The following DRGX variants were observed in gnomAD, a reference collection of about 807,000 sequenced individuals.
The protein encoded by DRGX is dorsal root ganglia homeobox.
Under a neutral mutation model 28.6 loss-of-function variants are expected in DRGX, and 21 were observed. The ratio of observed to expected loss-of-function variants is 0.73; its 90% CI spans 0.52 to 1.06. The LOEUF (loss-of-function observed/expected upper bound fraction) is 1.06. Ranked by LOEUF, DRGX falls within the 50% of genes least tolerant of loss-of-function variation. DRGX has a pLI of 0.00. For synonymous variants in DRGX, 136 were observed against 139.1 expected (o/e 0.98, Z 0.16); for missense variants, 354 against 343.9 (o/e 1.03, Z -0.23).
At position 49,386,494 on chromosome 10, in the gene DRGX, A is replaced by T. The variant is rs368235434; in HGVS notation, c.510T>A (p.His170Gln). 1.9e-6 allele frequency: 3 copies of T among 1,577,024 alleles called. No homozygotes were observed. The highest frequency in any genetic ancestry group is 2.6e-6 in the Non-Finnish European group (3 of 1,162,110). The change falls in exon 6 of 7, where the codon CAT becomes CAA. Residue 170 changes from histidine (H) to glutamine (Q), a missense_variant. Coordinates refer to ENST00000374139, the MANE Select transcript of DRGX (RefSeq NM_001276451.2). ...NTATYAQALSHVASLKGGPLC... is the reference protein window; with the variant it reads ...NTATYAQALSQVASLKGGPLC... ...CAAACTCACCTTTGAGGGAAGCCAC[A>T]TGGGACAAGGCCTGGGCGTAGGTGG...
rs1358315250 is a variant in DRGX, at chr10:49,364,455, G to A, written c.*1661C>T. On this transcript the variant is annotated 3_prime_UTR_variant, in exon 7 of 7. Coordinates refer to ENST00000374139, the MANE Select transcript of DRGX (RefSeq NM_001276451.2). ...CAATGCTGTTAAGTATTCTTAATTT[G>A]CTCAACAGTTCACTTATTTATGTAC... 1 of 152,118 alleles carries A rather than the reference G, an allele frequency of 6.6e-6. No homozygotes were observed. The highest frequency in any genetic ancestry group is 6.5e-5 in the Admixed American group (1 of 15,276). 9.4% of individuals were successfully genotyped at this position (152,118 alleles called of 1,614,324 possible). A position where few individuals can be genotyped will look rare whatever the true frequency, so the allele number is the denominator to read the frequency against.
At chr10:49,389,863 A>G (rs1356215450) in intron 4 of DRGX, among the ~76,000 whole-genome samples, 3 of 150,232 alleles carry the variant, frequency 2.0e-5, no homozygotes, top group Non-Finnish European at 4.4e-5. Flanking sequence ...TTTCCAAAGC[A>G]AGGAAATGGA....
chr10:49,386,614 T>A (rs758798077), intron 5 of DRGX, 24 bp from the exon 6 acceptor site: 10 of 1,595,034 alleles, frequency 6.3e-6, no homozygotes, highest in Non-Finnish European at 8.5e-6. Context: ...GAGATCATAT[T>A]GAGGTCTCGC....
chr10:49,369,948 A>G (rs1212536475), intron 6 of DRGX, among the ~76,000 whole-genome samples: 1 of 151,990 alleles, frequency 6.6e-6, no homozygotes, highest in East Asian at 1.9e-4. Flanking sequence ...TCCCACGTCC[A>G]TGGGGCTGGC....
rs1849956313 is a variant in DRGX at position 49,395,398 on chromosome 10, C to T, written c.34+9G>A. 3 of 1,550,206 alleles carry T rather than the reference C, an allele frequency of 1.9e-6. No homozygotes were observed. Among genetic ancestry groups the T allele is most frequent in the East Asian group, 4.9e-5 (2 of 40,894 alleles). On this transcript the variant is annotated intron_variant, in intron 2 of 6. Coordinates refer to ENST00000374139, the MANE Select transcript of DRGX (RefSeq NM_001276451.2). Reference sequence around the variant, plus strand: ...TTCATGGAGACCCTGGGGCGCAGCGCTTACTTACCCTCTAGCTGTGGCGGG... The same window carrying T: ...TTCATGGAGACCCTGGGGCGCAGCGTTTACTTACCCTCTAGCTGTGGCGGG...
At chr10:49,392,707 T>C (rs1322938367) in intron 2 of DRGX, among the ~76,000 whole-genome samples, 1 of 151,984 alleles carries the variant, frequency 6.6e-6, no homozygotes, top group African/African-American at 2.4e-5. Flanking sequence ...TCGAACTGAA[T>C]CCTAAAAAAG....
At chr10:49,366,564 C>A (rs1340315118) in intron 6 of DRGX, among the ~76,000 whole-genome samples, 183 bp from the exon 7 acceptor site, 1 of 152,342 alleles carries the variant, frequency 6.6e-6, no homozygotes, top group Non-Finnish European at 1.5e-5. Context: ...CCTAGTTAAT[C>A]GTTCAAAGGA....
At chr10:49,384,825 C>T (rs1159352693) in intron 6 of DRGX, among the ~76,000 whole-genome samples, 1 of 152,246 alleles carries the variant, frequency 6.6e-6, no homozygotes, top group Non-Finnish European at 1.5e-5. Context: ...CCTTCAGCCA[C>T]TGCTGGCGTC....
intron 6 of DRGX, among the ~76,000 whole-genome samples, chr10:49,373,757 A>G (rs1182879963): frequency 6.6e-6 from 1 of 152,184 alleles, no homozygotes; most frequent in Non-Finnish European, 1.5e-5. Flanking sequence ...GGTTTACGGT[A>G]TTTAGTTATA....
intron 6 of DRGX, among the ~76,000 whole-genome samples, chr10:49,382,959 T>A (rs1849793541): frequency 6.6e-6 from 1 of 152,048 alleles, no homozygotes; most frequent in Non-Finnish European, 1.5e-5. Context: ...CTTGGCGGTG[T>A]TCGAAGCTGA....
At chr10:49,387,247 C>T (rs1564708965) in intron 4 of DRGX, among the ~76,000 whole-genome samples, 1 of 152,212 alleles carries the variant, frequency 6.6e-6, no homozygotes, top group African/African-American at 2.4e-5. Flanking sequence ...CTCACTAGCT[C>T]TTCTGACAGC....
At chr10:49,381,421 G>C (rs546420186) in intron 6 of DRGX, among the ~76,000 whole-genome samples, 70 of 152,358 alleles carry the variant, frequency 4.6e-4, no homozygotes, top group African/African-American at 1.6e-3. Flanking sequence ...GGCCCGAGCA[G>C]CCCTGCTGAC....
rs1312763506 is a variant in DRGX at position 49,382,176 on chromosome 10, GA to G, written c.526+4301del. Among the ~76,000 whole-genome samples the G allele has an allele frequency of 2.0e-5, 3 of 152,276 alleles. No individual in the cohort carries two copies. The East Asian group carries it at 5.8e-4, about 29-fold the overall frequency. On this transcript the variant is annotated intron_variant, in intron 6 of 6. Transcript: ENST00000374139. The stretch of plus-strand genomic sequence containing the variant: ...GCCATGCTCATCCAGAGGAATTAAT[GA>G]AAAAGTGGTGTCTGGTAGTGCCAGG...
At chr10:49,371,334 T>G (rs1211487831) in intron 6 of DRGX, among the ~76,000 whole-genome samples, 1 of 152,044 alleles carries the variant, frequency 6.6e-6, no homozygotes, top group African/African-American at 2.4e-5. Flanking sequence ...GACCCAAAGC[T>G]CATGCACTTT....
rs374594424 is a variant in DRGX, at chr10:49,386,539, C to T, written c.465G>A (p.Pro155=). Reference sequence around the variant, plus strand: ...AGGTGGCCGTGTTCAGGAGAGTCCCCGGCAAGCAGGAGGGGAAGAAAGGCC... The same window carrying T: ...AGGTGGCCGTGTTCAGGAGAGTCCCTGGCAAGCAGGAGGGGAAGAAAGGCC... The part of the protein sequence containing the change: ...PAGPFFPSCL[P]GTLLNTATYA... The change falls in exon 6 of 7, where the codon CCG becomes CCA. Residue 155 remains proline, a synonymous_variant. Transcript: ENST00000374139. The T allele has an allele frequency of 2.3e-5, 37 of 1,589,124 alleles. No homozygotes were observed. Among genetic ancestry groups the T allele is most frequent in the South Asian group, 3.4e-5 (3 of 87,300 alleles).
At chr10:49,374,201 T>G (rs371939326) in intron 6 of DRGX, among the ~76,000 whole-genome samples, 2 of 152,176 alleles carry the variant, frequency 1.3e-5, no homozygotes, top group African/African-American at 4.8e-5. Flanking sequence ...GTGACAGATG[T>G]TCTCCAGCAC....
At chr10:49,393,390 A>T (rs2132488409) in intron 2 of DRGX, among the ~76,000 whole-genome samples, 1 of 152,388 alleles carries the variant, frequency 6.6e-6, no homozygotes, top group South Asian at 2.1e-4. Flanking sequence ...CAAAAAAAAT[A>T]GCAGATACTT....
chr10:49,383,241 G>A (rs372697678), intron 6 of DRGX, among the ~76,000 whole-genome samples: 9 of 152,216 alleles, frequency 5.9e-5, no homozygotes, highest in South Asian at 2.1e-4. Flanking sequence ...CCACACTACC[G>A]TGAGAATTGA....
intron 6 of DRGX, among the ~76,000 whole-genome samples, chr10:49,367,675 C>A (rs757563488): frequency 1.6e-4 from 24 of 152,172 alleles, no homozygotes; most frequent in African/African-American, 5.8e-4. Flanking sequence ...ATGGAAAATA[C>A]GAAGAGGGAA....
Sources: allele counts gnomAD v4.1 joint callset (sites outside exome capture counted in the v4.1 genomes callset), GRCh38; gene constraint gnomAD v4.1.1; transcripts MANE v1.5; gene names NCBI Gene and HGNC (gene_info 2026-07-23, HGNC 2026-07-21).